The following PTPRS variants were observed in gnomAD, a reference collection of about 807,000 sequenced individuals.
The protein encoded by PTPRS is receptor-type tyrosine-protein phosphatase S.
Under a neutral mutation model 215.3 loss-of-function variants are expected in PTPRS, and 63 were observed. That is an observed-to-expected ratio of 0.29 (90% CI 0.24 to 0.36). PTPRS has a LOEUF of 0.36. Ranked by LOEUF, PTPRS falls within the 10% of genes least tolerant of loss-of-function variation. PTPRS has a pLI of 1.00. For missense variants in PTPRS, 2,258 were observed against 2,825.8 expected (o/e 0.80, Z 4.56); for synonymous variants, 1,404 against 1,191.4 (o/e 1.18, Z -3.68).
chr19:5,217,726 G>C (rs2041611755), intron 25 of PTPRS, among the ~76,000 whole-genome samples: 1 of 152,218 alleles, frequency 6.6e-6, no homozygotes, highest in Non-Finnish European at 1.5e-5. Context: ...GATGTAACTT[G>C]GCTGTGAACC....
intron 4 of PTPRS, among the ~76,000 whole-genome samples, chr19:5,267,698 G>C (rs1345242291): frequency 1.3e-5 from 2 of 149,738 alleles, no homozygotes; most frequent in African/African-American, 4.9e-5. Context: ...ACGTAGGGCA[G>C]ACTAATAACC....
chr19:5,274,417 A>T, intron 2 of PTPRS, 73 bp from the exon 3 acceptor site: 1 of 1,493,494 alleles, frequency 6.7e-7, no homozygotes, highest in South Asian at 1.3e-5. Context: ...AGGAGCCACG[A>T]AAACCTGCAT....
chr19:5,305,939 CAAAAAAAAAAAAAA>C (rs35165317), intron 1 of PTPRS, among the ~76,000 whole-genome samples: 16 of 22,644 alleles, frequency 7.1e-4, no homozygotes, highest in African/African-American at 3.5e-3. Context: ...GACTCCGTCT[CAAAAAAAAAAAAAA>C]AAAAAAAAAA....
intron 13 of PTPRS, among the ~76,000 whole-genome samples, chr19:5,234,210 A>G (rs2043250183): frequency 6.6e-6 from 1 of 152,180 alleles, no homozygotes; most frequent in African/African-American, 2.4e-5. Flanking sequence ...CACTTGTGCT[A>G]CCAGGGACCC....
intron 2 of PTPRS, among the ~76,000 whole-genome samples, chr19:5,282,797 CAAAAA>C (rs553419452): frequency 8.8e-6 from 1 of 114,138 alleles, no homozygotes; most frequent in Admixed American, 9.4e-5. Flanking sequence ...GACTTCATCT[CAAAAA>C]AAAAAAAAAA....
intron 1 of PTPRS, among the ~76,000 whole-genome samples, chr19:5,316,397 TTC>T (rs2049877806): frequency 6.6e-6 from 1 of 152,286 alleles, no homozygotes; most frequent in African/African-American, 2.4e-5. Context: ...TTTTCTTTCT[TTC>T]TTTTTTCTTT....
intron 29 of PTPRS, 37 bp from the exon 30 acceptor site, chr19:5,214,517 G>C (rs1048085103): frequency 1.2e-6 from 2 of 1,613,192 alleles, no homozygotes; most frequent in Non-Finnish European, 1.7e-6. Context: ...AGCAGGGACA[G>C]GCTGACTGGC....
chr19:5,213,478 C>T (rs942540786), intron 30 of PTPRS, among the ~76,000 whole-genome samples: 21 of 147,516 alleles, frequency 1.4e-4, no homozygotes, highest in African/African-American at 5.2e-4. Context: ...TGTTTTTCTC[C>T]TCCACTTTAT....
intron 1 of PTPRS, chr19:5,292,860 G>C (rs958050143): frequency 6.6e-6 from 1 of 152,312 alleles, no homozygotes; most frequent in South Asian, 2.1e-4. Flanking sequence ...GAGAGGGGGT[G>C]GGGGGAGGAG....
intron 1 of PTPRS, among the ~76,000 whole-genome samples, chr19:5,331,887 A>G (rs1400284984): frequency 6.6e-6 from 1 of 152,212 alleles, no homozygotes; most frequent in East Asian, 1.9e-4. Flanking sequence ...ACGCTGGCCC[A>G]GGCCCTGTTC....
At chr19:5,323,111 C>T (rs1282943903) in intron 1 of PTPRS, among the ~76,000 whole-genome samples, 2 of 152,078 alleles carry the variant, frequency 1.3e-5, no homozygotes, top group African/African-American at 4.8e-5. Context: ...AATCCTGGCA[C>T]TTTGGGAGGC....
chr19:5,306,946 G>C (rs2049516289), intron 1 of PTPRS, among the ~76,000 whole-genome samples: 1 of 152,208 alleles, frequency 6.6e-6, no homozygotes, highest in Admixed American at 6.5e-5. Context: ...CGTGGAGAAA[G>C]TACTCACGGC....
intron 1 of PTPRS, among the ~76,000 whole-genome samples, chr19:5,336,523 C>T (rs1441162515): frequency 1.3e-5 from 2 of 152,124 alleles, no homozygotes; most frequent in African/African-American, 4.8e-5. Context: ...CTCCTCTGCC[C>T]CGCAAGCCAC....
At chr19:5,229,214 G>C in intron 16 of PTPRS, 102 bp downstream of exon 16, 1 of 1,228,250 alleles carries the variant, frequency 8.1e-7, no homozygotes, top group East Asian at 3.1e-5. Context: ...CAGAGGAGGA[G>C]ACCGTTTTAC....
intron 1 of PTPRS, among the ~76,000 whole-genome samples, chr19:5,327,536 G>A (rs971322915): frequency 2.6e-5 from 4 of 152,136 alleles, no homozygotes; most frequent in African/African-American, 9.7e-5. Flanking sequence ...TTCCTGGTGA[G>A]CTCCTCAGTA....
intron 17 of PTPRS, among the ~76,000 whole-genome samples, chr19:5,223,646 TCTGCCTCCCGGGTTCAAGGGATTCTC>T (rs34216115): frequency 0.14 from 21,603 of 149,846 alleles, 2,387 homozygotes; most frequent in African/African-American, 0.32. Context: ...CACTACAAGC[TCTGCCTCCCGGGTTCAAGGGATTCTC>T]CTGCCTCAGC....
Position 5,244,085 on chromosome 19 carries a change from G to C in PTPRS, c.1386C>G (p.Val462=), listed in dbSNP as rs1474623012. 2.5e-6 allele frequency: 4 copies of C among 1,610,514 alleles called. No individual in the cohort carries two copies. Among genetic ancestry groups the C allele is most frequent in the East Asian group, 2.2e-5 (1 of 44,856 alleles). The stretch of plus-strand genomic sequence containing the variant: ...GGTGCTCCGGTTCCATGGTGTAGTA[G>C]ACGCGGTAGCCGCGGATCAGGCCGT... ...EPNGLIRGYR[V]YYTMEPEHPV... Residue 462 remains valine, a synonymous_variant, in exon 11 of 38, where the codon GTC becomes GTG. Transcript: ENST00000262963. The surrounding 1 kb of genome is among the most constrained non-coding windows in gnomAD (Gnocchi z 7.2).
At chr19:5,275,322 C>T (rs376552645) in intron 2 of PTPRS, among the ~76,000 whole-genome samples, 11 of 151,952 alleles carry the variant, frequency 7.2e-5, no homozygotes, top group African/African-American at 2.7e-4. Flanking sequence ...TGCCTGCCTT[C>T]GCCTCCCAAA....
intron 1 of PTPRS, among the ~76,000 whole-genome samples, chr19:5,327,005 TTCTGTC>T (rs1488389020): frequency 1.3e-5 from 2 of 152,036 alleles, no homozygotes; most frequent in Admixed American, 1.3e-4. Context: ...CTGCTGAGGG[TTCTGTC>T]CACATTGACG....
Sources: gnomAD v4.1 joint callset for allele counts (sites outside exome capture counted in the v4.1 genomes callset) on GRCh38, gnomAD v4.1.1 for gene constraint, Gnocchi (gnomAD v3.1) non-coding constraint, MANE v1.5 for transcripts, NCBI Gene and HGNC (gene_info 2026-07-23, HGNC 2026-07-21) for gene names.